Variants in PDE4D observed in about 807,000 individuals in gnomAD.
The protein encoded by PDE4D is phosphodiesterase 4D.
Under a neutral mutation model 87.4 loss-of-function variants are expected in PDE4D, and 24 were observed. That is an observed-to-expected ratio of 0.27 (90% CI 0.20 to 0.39). PDE4D has a LOEUF of 0.39. Among genes scored for constraint, PDE4D ranks in the 10% least tolerant of loss-of-function variants. The pLI is 1.00. For synonymous variants in PDE4D, 384 were observed against 383.2 expected (o/e 1.00, Z -0.02); for missense variants, 714 against 1,041.0 (o/e 0.69, Z 4.32).
At chr5:58,986,041 T>C (rs1443574829) in intron 11 of PDE4D, among the ~76,000 whole-genome samples, 1 of 152,196 alleles carries the variant, frequency 6.6e-6, no homozygotes, top group Non-Finnish European at 1.5e-5. Context: ...TCACACCTCA[T>C]CGTCAAAAAA....
chr5:59,506,618 G>A (rs931364417), intron 1 of PDE4D, among the ~76,000 whole-genome samples: 2 of 151,876 alleles, frequency 1.3e-5, no homozygotes, highest in Non-Finnish European at 2.9e-5. Flanking sequence ...ATAATTTCCA[G>A]CAAAATAGCT....
chr5:59,273,298 GT>G (rs1180048334), intron 1 of PDE4D, among the ~76,000 whole-genome samples: 1 of 152,012 alleles, frequency 6.6e-6, no homozygotes, highest in Non-Finnish European at 1.5e-5. Context: ...AAGAGAGGCC[GT>G]TTGGGTTTTT....
chr5:60,459,991 T>G, intron 1 of PDE4D: 1 of 890,244 alleles, frequency 1.1e-6, no homozygotes, highest in Non-Finnish European at 1.9e-6. Context: ...TCATTCTGCT[T>G]CTTCATCATC....
At chr5:59,102,376 G>T (rs915274903) in intron 5 of PDE4D, among the ~76,000 whole-genome samples, 1 of 152,046 alleles carries the variant, frequency 6.6e-6, no homozygotes, top group South Asian at 2.1e-4. Context: ...ATGAGCCATC[G>T]CGCCTGGCCC....
At chr5:59,273,195 G>A (rs1266005138) in intron 1 of PDE4D, among the ~76,000 whole-genome samples, 2 of 152,134 alleles carry the variant, frequency 1.3e-5, no homozygotes, top group African/African-American at 2.4e-5. Context: ...AGGGTAGGGT[G>A]GTGGTGGAGA....
At chr5:59,896,290 T>A (rs1751635396), upstream of PDE4D, among the ~76,000 whole-genome samples, 1 of 152,192 alleles carries the variant, frequency 6.6e-6, no homozygotes, top group African/African-American at 2.4e-5. Context: ...CCTGCCAGGC[T>A]GGGAAGTATC....
chr5:59,602,701 T>C (rs115242295), intron 1 of PDE4D, among the ~76,000 whole-genome samples: 535 of 152,198 alleles, frequency 3.5e-3, no homozygotes, highest in African/African-American at 0.012. Flanking sequence ...AAATTTCATA[T>C]GGAACCACAA....
chr5:60,326,030 G>A (rs548372948), intron 1 of PDE4D, among the ~76,000 whole-genome samples: 1 of 152,210 alleles, frequency 6.6e-6, no homozygotes, highest in South Asian at 2.1e-4. Flanking sequence ...GTATTCCGTG[G>A]TGTAGATGTA....
chr5:59,951,623 A>T (rs1421945761), intron 3 of PDE4D, among the ~76,000 whole-genome samples: 1 of 152,190 alleles, frequency 6.6e-6, no homozygotes, highest in African/African-American at 2.4e-5. Context: ...GACATTTAGG[A>T]ACCACCAAAC....
intron 3 of PDE4D, among the ~76,000 whole-genome samples, chr5:59,945,516 T>G (rs939563437): frequency 1.3e-5 from 2 of 152,212 alleles, no homozygotes; most frequent in African/African-American, 2.4e-5. Flanking sequence ...AATATTTTAT[T>G]TCTATACAGT....
At chr5:60,231,860 G>T (rs1745845746) in intron 1 of PDE4D, among the ~76,000 whole-genome samples, 1 of 151,880 alleles carries the variant, frequency 6.6e-6, no homozygotes, top group Non-Finnish European at 1.5e-5. Context: ...CTGTGGAGAG[G>T]AGCTATTAAT....
chr5:60,200,041 T>A (rs1261357084), intron 1 of PDE4D, among the ~76,000 whole-genome samples: 1 of 151,520 alleles, frequency 6.6e-6, no homozygotes, highest in South Asian at 2.1e-4. Context: ...AATTGGAAAA[T>A]GGCACATGAA....
intron 1 of PDE4D, among the ~76,000 whole-genome samples, chr5:59,696,249 C>G (rs1751757979): frequency 6.6e-6 from 1 of 152,094 alleles, no homozygotes; most frequent in African/African-American, 2.4e-5. Context: ...AGCCAGGATT[C>G]AACTCAGGCC....
chr5:59,856,894 T>G (rs558393505), intron 1 of PDE4D, among the ~76,000 whole-genome samples: 2 of 152,230 alleles, frequency 1.3e-5, no homozygotes, highest in East Asian at 1.9e-4. Context: ...AAATGAGTAT[T>G]AGTCCTTTTT....
chr5:59,889,018 G>C (rs1329395114), intron 1 of PDE4D, among the ~76,000 whole-genome samples: 1 of 151,826 alleles, frequency 6.6e-6, no homozygotes, highest in Non-Finnish European at 1.5e-5. Context: ...CTTGAGGCCA[G>C]GAGTTTGAGA....
intron 1 of PDE4D, among the ~76,000 whole-genome samples, chr5:60,441,626 A>C (rs1308464317): frequency 6.6e-6 from 1 of 152,254 alleles, no homozygotes; most frequent in Non-Finnish European, 1.5e-5. Context: ...ACAGCAAAAG[A>C]AACTATCATC....
intron 4 of PDE4D, among the ~76,000 whole-genome samples, chr5:59,182,364 T>C (rs2153479122): frequency 6.6e-6 from 1 of 151,888 alleles, no homozygotes; most frequent in South Asian, 2.1e-4. Context: ...CTCTAGTGAT[T>C]CCCCCCACCA....
At chr5:60,066,806 A>G (rs1343256464) in intron 2 of PDE4D, among the ~76,000 whole-genome samples, 2 of 152,062 alleles carry the variant, frequency 1.3e-5, no homozygotes, top group African/African-American at 4.8e-5. Flanking sequence ...TTTTCTCCTG[A>G]GACATAGTGA....
intron 2 of PDE4D, among the ~76,000 whole-genome samples, chr5:60,087,419 T>C (rs955884794): frequency 6.6e-6 from 1 of 152,124 alleles, no homozygotes; most frequent in Non-Finnish European, 1.5e-5. Flanking sequence ...CACAGAAGAA[T>C]GCAACATCTC....
Sources: allele counts gnomAD v4.1 joint callset (sites outside exome capture counted in the v4.1 genomes callset), GRCh38; gene constraint gnomAD v4.1.1; transcripts MANE v1.5; gene names NCBI Gene and HGNC (gene_info 2026-07-23, HGNC 2026-07-21).